Variants in DCPS observed in about 807,000 individuals in gnomAD.
DCPS encodes decapping enzyme, scavenger, also known as m7GpppX diphosphatase.
A neutral mutation model predicts 34.7 loss-of-function variants in DCPS; 27 were observed. The observed-to-expected ratio is 0.78, with a 90% confidence interval of 0.57 to 1.07. The LOEUF is 1.07. DCPS is among the 50% of genes least tolerant of loss of function. The pLI is 0.00. For missense variants in DCPS, 464 were observed against 436.9 expected (o/e 1.06, Z -0.55); for synonymous variants, 185 against 185.7 (o/e 1.00, Z 0.03).
At chr11:126,316,522 A>T (rs2135315319) in intron 2 of DCPS, among the ~76,000 whole-genome samples, 1 of 152,062 alleles carries the variant, frequency 6.6e-6, no homozygotes, top group East Asian at 1.9e-4. Flanking sequence ...TGGACAGGTG[A>T]TTCTTTAAGC....
chr11:126,343,569 G>A lies in DCPS; in HGVS notation c.747+152G>A, dbSNP rs3213457. The stretch of plus-strand genomic sequence containing the variant: ...CTTGGGGACCCCATTAGGCTCTTGA[G>A]GTTGAAGAGCAGGGCTCTTTGTCCC... On this transcript the variant is annotated intron_variant, in intron 5 of 5. Transcript: ENST00000263579. 3.0e-4 allele frequency: 206 copies of A among 690,312 alleles called. 1 individual carries two copies. The East Asian group carries it at 5.4e-3, about 18-fold the overall frequency. 42.8% of individuals were successfully genotyped at this position (690,312 alleles called of 1,614,324 possible).
At position 126,329,862 on chromosome 11, in the gene DCPS, A is replaced by C. The variant is rs530990932; in HGVS notation, c.377-1543A>C. On this transcript the variant is annotated intron_variant, in intron 2 of 5. Transcript: ENST00000263579. The surrounding 1 kb of genome is among the most constrained non-coding windows in gnomAD (Gnocchi z 5.0). ...TGAGTATGAGGACTTCGTGGTGGTGAAATGTGCCCGCTGGGTTTTCAGCTC... is the reference window on the plus strand; with the variant it reads ...TGAGTATGAGGACTTCGTGGTGGTGCAATGTGCCCGCTGGGTTTTCAGCTC... 5.0e-4 allele frequency among the ~76,000 whole-genome samples: 76 copies of C among 152,216 alleles called. No individual in the cohort carries two copies. Among genetic ancestry groups the C allele is most frequent in the Non-Finnish European group, 9.7e-4 (66 of 68,000 alleles).
At position 126,304,295 on chromosome 11, in the gene DCPS, A is replaced by T; in HGVS notation, c.201+14A>T. 1 of 1,613,324 alleles carries T rather than the reference A, an allele frequency of 6.2e-7. No homozygotes were observed. The highest frequency in any genetic ancestry group is 8.5e-7 in the Non-Finnish European group (1 of 1,179,566). ...CTACACGGGAAGGTACCAGGAGGCAACCCTGAGGTGGGATGCGGGAAGCAG... is the reference window on the plus strand; with the variant it reads ...CTACACGGGAAGGTACCAGGAGGCATCCCTGAGGTGGGATGCGGGAAGCAG... On this transcript the variant is annotated intron_variant, in intron 1 of 5. Coordinates refer to ENST00000263579, the MANE Select transcript of DCPS (RefSeq NM_014026.6).
intron 2 of DCPS, among the ~76,000 whole-genome samples, chr11:126,308,030 C>A (rs1009737775): frequency 6.6e-6 from 1 of 152,096 alleles, no homozygotes; most frequent in Admixed American, 6.6e-5. Flanking sequence ...GTGGGAGAGA[C>A]AACTAGTGAG....
chr11:126,343,634 G>A (rs1312114773), intron 5 of DCPS, among the ~76,000 whole-genome samples: 1 of 151,972 alleles, frequency 6.6e-6, no homozygotes, highest in Non-Finnish European at 1.5e-5. Context: ...CGCCTTCCTC[G>A]GCCTTTCTCC....
rs1951974315 is a variant in DCPS, at chr11:126,349,742, A to G, written c.*4129A>G. 6.6e-6 allele frequency among the ~76,000 whole-genome samples: 1 copy of G among 152,224 alleles called. No individual in the cohort carries two copies. Among genetic ancestry groups the G allele is most frequent in the Admixed American group, 6.5e-5 (1 of 15,282 alleles). ...AGGACTGTTTTTATTCCAAACATGT[A>G]TATATAAGGTTAAAATGTATTTTTT... On this transcript the variant is annotated 3_prime_UTR_variant, in exon 6 of 6. Coordinates refer to ENST00000263579, the MANE Select transcript of DCPS (RefSeq NM_014026.6). The surrounding 1 kb of genome is among the most constrained non-coding windows in gnomAD (Gnocchi z 5.4).
In DCPS at chr11:126,335,326, A is replaced by G. The variant is rs573688926; in HGVS notation, c.523-2960A>G. Among the ~76,000 whole-genome samples, 1 of 152,374 alleles carries G rather than the reference A, an allele frequency of 6.6e-6. No individual in the cohort carries two copies. Among genetic ancestry groups the G allele is most frequent in the South Asian group, 2.1e-4 (1 of 4,832 alleles). On this transcript the variant is annotated intron_variant, in intron 3 of 5. Transcript: ENST00000263579. This position sits in a 1 kb window ranked among gnomAD's most constrained non-coding sequence, Gnocchi z 4.8. ...AGGTGAGTTGCAGAAAGCTGATGGC[A>G]TCACCCTCTGCCCAGTTTATCAGCA...
In DCPS at chr11:126,320,713, A is replaced by C. The variant is rs74851744; in HGVS notation, c.377-10692A>C. Among the ~76,000 whole-genome samples, 90 of 152,222 alleles carry C rather than the reference A, an allele frequency of 5.9e-4. No individual in the cohort carries two copies. Among genetic ancestry groups the C allele is most frequent in the Non-Finnish European group, 1.0e-3 (69 of 68,010 alleles). ...AGCTACCTGGGAGGTTGAGACGGGA[A>C]GATCACTTCAGTCCAGGACATAGAG... On this transcript the variant is annotated intron_variant, in intron 2 of 5. Transcript: ENST00000263579. This position sits in a 1 kb window ranked among gnomAD's most constrained non-coding sequence, Gnocchi z 4.7.
chr11:126,318,338 A>T (rs1951678725), intron 2 of DCPS, among the ~76,000 whole-genome samples: 1 of 152,108 alleles, frequency 6.6e-6, no homozygotes, highest in Non-Finnish European at 1.5e-5. Context: ...TATTTCTGTA[A>T]TGTAGGACAG....
chr11:126,309,030 T>C (rs1347592054), intron 2 of DCPS, among the ~76,000 whole-genome samples: 1 of 150,784 alleles, frequency 6.6e-6, no homozygotes, highest in Non-Finnish European at 1.5e-5. Context: ...GCCCCTTTTT[T>C]TTTTTTTTTT....
chr11:126,347,212 TC>T lies in DCPS; in HGVS notation c.*1602del, dbSNP rs1249105029. On this transcript the variant is annotated 3_prime_UTR_variant, in exon 6 of 6. Transcript: ENST00000263579. The surrounding 1 kb of genome is among the most constrained non-coding windows in gnomAD (Gnocchi z 4.2). ...CCACTGGCCTCCACTCAGCCATTCT[TC>T]CCTGCAGCTCTTTTTTTTTTTTTTT... 6.7e-6 allele frequency among the ~76,000 whole-genome samples: 1 copy of T among 148,372 alleles called. No homozygotes were observed. The highest frequency in any genetic ancestry group is 2.5e-5 in the African/African-American group (1 of 40,370).
intron 2 of DCPS, among the ~76,000 whole-genome samples, chr11:126,321,763 T>C (rs1364819492): frequency 1.3e-5 from 2 of 152,104 alleles, no homozygotes; most frequent in African/African-American, 4.8e-5. Flanking sequence ...ATAATTAATC[T>C]CAGAGAAATT....
At position 126,337,449 on chromosome 11, in the gene DCPS, C is replaced by G. The variant is rs1951840667; in HGVS notation, c.523-837C>G. ...TCTCAGCCCAACCTCCTGCAGCCTC[C>G]TAACCTCAGACAGGCCTCCAGGACC... On this transcript the variant is annotated intron_variant, in intron 3 of 5. Coordinates refer to ENST00000263579, the MANE Select transcript of DCPS (RefSeq NM_014026.6). This position sits in a 1 kb window ranked among gnomAD's most constrained non-coding sequence, Gnocchi z 5.3. 1 of 152,336 alleles carries G rather than the reference C, an allele frequency of 6.6e-6. No homozygotes were observed. Among genetic ancestry groups the G allele is most frequent in the Admixed American group, 6.5e-5 (1 of 15,280 alleles). 9.4% of individuals were successfully genotyped at this position (152,336 alleles called of 1,614,324 possible).
At position 126,333,050 on chromosome 11, in the gene DCPS, T is replaced by G. The variant is rs1027171395; in HGVS notation, c.522+1500T>G. Among the ~76,000 whole-genome samples, 19 of 152,250 alleles carry G rather than the reference T, an allele frequency of 1.2e-4. No individual in the cohort carries two copies. The highest frequency in any genetic ancestry group is 4.6e-4 in the African/African-American group (19 of 41,550). On this transcript the variant is annotated intron_variant, in intron 3 of 5. Coordinates refer to ENST00000263579, the MANE Select transcript of DCPS (RefSeq NM_014026.6). The surrounding 1 kb of genome is among the most constrained non-coding windows in gnomAD (Gnocchi z 5.7). ...TAGAGATGGGGTTTTGCCATGTTGC[T>G]CAGGCTGGCCTCGAACTCCTGAGCT...
In DCPS at chr11:126,313,496, A is replaced by G. The variant is rs1951634301; in HGVS notation, c.376+6752A>G. 1.3e-5 allele frequency among the ~76,000 whole-genome samples: 2 copies of G among 152,220 alleles called. No homozygotes were observed. Among genetic ancestry groups the G allele is most frequent in the South Asian group, 4.1e-4 (2 of 4,832 alleles). ...GTATAGTCCTACAGTGCCTAGCTAC[A>G]GCAGTGAAAATGAACTACAGCTGCC... On this transcript the variant is annotated intron_variant, in intron 2 of 5. Transcript: ENST00000263579. The surrounding 1 kb of genome is among the most constrained non-coding windows in gnomAD (Gnocchi z 4.9).
chr11:126,305,198 T>C (rs950667183), intron 1 of DCPS, among the ~76,000 whole-genome samples: 13 of 152,090 alleles, frequency 8.5e-5, no homozygotes, highest in Admixed American at 7.9e-4. Context: ...CTGCAACCTC[T>C]GCCTCCCGAG....
chr11:126,347,976 G>A lies in DCPS; in HGVS notation c.*2363G>A, dbSNP rs1030542197. Among the ~76,000 whole-genome samples, 1 of 152,026 alleles carries A rather than the reference G, an allele frequency of 6.6e-6. No homozygotes were observed. Among genetic ancestry groups the A allele is most frequent in the Non-Finnish European group, 1.5e-5 (1 of 68,008 alleles). On this transcript the variant is annotated 3_prime_UTR_variant, in exon 6 of 6. Coordinates refer to ENST00000263579, the MANE Select transcript of DCPS (RefSeq NM_014026.6). The surrounding 1 kb of genome is among the most constrained non-coding windows in gnomAD (Gnocchi z 4.2). ...CATGCCCTCCTGCCCAGCCCCCAGT[G>A]GTGCTGCTGGAGGGTCTGACTCCAC...
In DCPS at chr11:126,338,518, AG is replaced by A. The variant is rs1226235132; in HGVS notation, c.636+122del. The A allele has an allele frequency of 1.1e-6, 1 of 933,862 alleles. No individual in the cohort carries two copies. Among genetic ancestry groups the A allele is most frequent in the Non-Finnish European group, 1.7e-6 (1 of 592,762 alleles). The allele number at this position is 933,862 out of a possible 1,614,324, so 57.8% of individuals were successfully genotyped here. On this transcript the variant is annotated intron_variant, in intron 4 of 5. Transcript: ENST00000263579. This position sits in a 1 kb window ranked among gnomAD's most constrained non-coding sequence, Gnocchi z 5.4. ...CTAAGCAGATTATAATTAACCAACA[AG>A]GGTTGGCCTGAGCTCTCTGTGGGGA...
In DCPS at chr11:126,348,739, G is replaced by A. The variant is rs1158652196; in HGVS notation, c.*3126G>A. 6.6e-6 allele frequency among the ~76,000 whole-genome samples: 1 copy of A among 152,242 alleles called. No homozygotes were observed. Among genetic ancestry groups the A allele is most frequent in the Non-Finnish European group, 1.5e-5 (1 of 68,042 alleles). On this transcript the variant is annotated 3_prime_UTR_variant, in exon 6 of 6. Transcript: ENST00000263579. This position sits in a 1 kb window ranked among gnomAD's most constrained non-coding sequence, Gnocchi z 5.3. ...TTCCTCACTAGACTGAGAGGGTCTT[G>A]AGGGTAGGAGCTTTGTTTTAGTTAT...
Sources: gnomAD v4.1 joint callset for allele counts (sites outside exome capture counted in the v4.1 genomes callset) on GRCh38, gnomAD v4.1.1 for gene constraint, Gnocchi (gnomAD v3.1) non-coding constraint, MANE v1.5 for transcripts, NCBI Gene and HGNC (gene_info 2026-07-23, HGNC 2026-07-21) for gene names.